Variants in EIF2A observed in about 807,000 individuals in gnomAD.
EIF2A encodes 65 kDa eukaryotic translation initiation factor 2A.
Under a neutral mutation model 75.2 loss-of-function variants are expected in EIF2A, and 62 were observed. The ratio of observed to expected loss-of-function variants is 0.82; its 90% confidence interval spans 0.67 to 1.02. EIF2A has a LOEUF of 1.02. Among genes scored for constraint, EIF2A ranks in the 50% least tolerant of loss-of-function variants. The pLI is 0.00. For missense variants in EIF2A, 611 were observed against 677.7 expected (o/e 0.90, Z 1.09); for synonymous variants, 207 against 239.0 (o/e 0.87, Z 1.23).
intron 3 of EIF2A, among the ~76,000 whole-genome samples, chr3:150,558,880 T>C (rs541504369): frequency 8.7e-4 from 133 of 152,298 alleles, no homozygotes; most frequent in African/African-American, 3.0e-3. Context: ...ATTAGTCTTA[T>C]GTATATAAAA....
At chr3:150,548,549 T>G (rs1362479031) in intron 1 of EIF2A, among the ~76,000 whole-genome samples, 1 of 152,122 alleles carries the variant, frequency 6.6e-6, no homozygotes, top group Non-Finnish European at 1.5e-5. Flanking sequence ...GCCGGACTGG[T>G]ACTGGGCAAG....
intron 12 of EIF2A, 74 bp downstream of exon 12, chr3:150,581,820 T>C: frequency 1.3e-6 from 2 of 1,517,312 alleles, no homozygotes; most frequent in Non-Finnish European, 8.9e-7. Context: ...AGTACTTAGA[T>C]GCCTAAAGAC....
intron 6 of EIF2A, chr3:150,567,156 G>A (rs1224905575): frequency 6.6e-6 from 1 of 152,258 alleles, no homozygotes; most frequent in Non-Finnish European, 1.5e-5. Context: ...ATTAACTAGA[G>A]TGGCAGTTTT....
At chr3:150,578,135 G>C (rs1576606256) in intron 11 of EIF2A, among the ~76,000 whole-genome samples, 1 of 152,082 alleles carries the variant, frequency 6.6e-6, no homozygotes, top group Non-Finnish European at 1.5e-5. Flanking sequence ...GGGCCTCTCT[G>C]AAACGCACTC....
intron 6 of EIF2A, chr3:150,565,362 G>T (rs1724114613): frequency 6.2e-6 from 2 of 322,870 alleles, no homozygotes; most frequent in African/African-American, 4.4e-5. Context: ...TTTCATCAGT[G>T]GTTGCAAATT....
chr3:150,581,998 T>C (rs2107979030), intron 12 of EIF2A, among the ~76,000 whole-genome samples: 1 of 152,216 alleles, frequency 6.6e-6, no homozygotes, highest in Non-Finnish European at 1.5e-5. Flanking sequence ...CATAGAAATA[T>C]ACTGAACACT....
rs968761805 is a variant in EIF2A at position 150,561,451 on chromosome 3, G to C, written c.174-1091G>C. On this transcript the variant is annotated intron_variant, in intron 3 of 13. Coordinates refer to ENST00000460851, the MANE Select transcript of EIF2A (RefSeq NM_032025.5). ...AAATTAGCCAGGCGTGGTGGCATGC[G>C]CCTGTAGTCCCAGCTACTCGGGAGG... Among the ~76,000 whole-genome samples the C allele has an allele frequency of 2.6e-5, 4 of 152,182 alleles. No individual in the cohort carries two copies. In the South Asian group the frequency reaches 6.2e-4, roughly 24 times the overall value.
intron 10 of EIF2A, 121 bp from the exon 11 acceptor site, chr3:150,575,528 T>C (rs1013687920): frequency 3.7e-5 from 28 of 761,662 alleles, no homozygotes; most frequent in Non-Finnish European, 1.0e-5. Flanking sequence ...AAAATAATCT[T>C]TGCTAATGAT....
intron 11 of EIF2A, among the ~76,000 whole-genome samples, chr3:150,576,722 A>T (rs1401235953): frequency 2.0e-5 from 3 of 152,244 alleles, no homozygotes; most frequent in African/African-American, 4.8e-5. Flanking sequence ...TGGAAATTAC[A>T]TGACTAGAAA....
At chr3:150,578,140 G>A (rs931449651) in intron 11 of EIF2A, among the ~76,000 whole-genome samples, 1 of 151,850 alleles carries the variant, frequency 6.6e-6, no homozygotes, top group Non-Finnish European at 1.5e-5. Flanking sequence ...TCTCTGAAAC[G>A]CACTCAACTT....
intron 6 of EIF2A, 67 bp downstream of exon 6, chr3:150,564,448 A>G: frequency 7.8e-7 from 1 of 1,289,638 alleles, no homozygotes; most frequent in South Asian, 1.5e-5. Flanking sequence ...ATTAACTTTT[A>G]TGACATCATA....
chr3:150,553,902 T>G (rs1383612007), intron 2 of EIF2A, among the ~76,000 whole-genome samples: 2 of 152,144 alleles, frequency 1.3e-5, no homozygotes, highest in Non-Finnish European at 2.9e-5. Context: ...TTCTGGCCAA[T>G]GAAAAGGCCT....
intron 9 of EIF2A, 74 bp from the exon 10 acceptor site, chr3:150,571,884 A>G (rs1724545455): frequency 2.9e-6 from 4 of 1,369,796 alleles, no homozygotes; most frequent in Non-Finnish European, 3.9e-6. Context: ...TGAGTACTAT[A>G]TGATGGTAAC....
intron 3 of EIF2A, among the ~76,000 whole-genome samples, chr3:150,559,816 A>G (rs1353890470): frequency 6.6e-6 from 1 of 152,118 alleles, no homozygotes; most frequent in Non-Finnish European, 1.5e-5. Flanking sequence ...CTCTCAAATC[A>G]TTAATAATAT....
At chr3:150,551,580 T>C (rs956196895) in intron 1 of EIF2A, among the ~76,000 whole-genome samples, 2 of 139,100 alleles carry the variant, frequency 1.4e-5, no homozygotes, top group African/African-American at 5.2e-5. Flanking sequence ...AAAAAAAAAA[T>C]AGCCAAGCAG....
intron 10 of EIF2A, among the ~76,000 whole-genome samples, chr3:150,573,381 T>A (rs1724659158): frequency 6.6e-6 from 1 of 152,144 alleles, no homozygotes; most frequent in African/African-American, 2.4e-5. Context: ...GCCTTTTGAG[T>A]AGCTGGGATT....
At chr3:150,560,963 C>T (rs1723823365) in intron 3 of EIF2A, among the ~76,000 whole-genome samples, 1 of 151,980 alleles carries the variant, frequency 6.6e-6, no homozygotes, top group Non-Finnish European at 1.5e-5. Flanking sequence ...ACATAGAAAA[C>T]ATCCCAAAAT....
At chr3:150,551,402 G>T (rs1241941897) in intron 1 of EIF2A, among the ~76,000 whole-genome samples, 1 of 151,956 alleles carries the variant, frequency 6.6e-6, no homozygotes, top group Non-Finnish European at 1.5e-5. Flanking sequence ...TATTTATTTG[G>T]TTCAGCTTTA....
intron 10 of EIF2A, among the ~76,000 whole-genome samples, chr3:150,573,287 CTG>C (rs1389523400): frequency 6.6e-6 from 1 of 152,188 alleles, no homozygotes; most frequent in Non-Finnish European, 1.5e-5. Context: ...GAGTCTCACT[CTG>C]TCATCGAGGC....
Sources: gnomAD v4.1 joint callset for allele counts (sites outside exome capture counted in the v4.1 genomes callset) on GRCh38, gnomAD v4.1.1 for gene constraint, MANE v1.5 for transcripts, NCBI Gene and HGNC (gene_info 2026-07-23, HGNC 2026-07-21) for gene names.